The following HSD17B7 variants were observed in gnomAD, a reference collection of about 807,000 sequenced individuals.
HSD17B7 encodes the protein hydroxysteroid 17-beta dehydrogenase 7, also known as 3-keto-steroid reductase/17-beta-hydroxysteroid dehydrogenase 7.
A neutral mutation model predicts 34.1 loss-of-function variants in HSD17B7; 17 were observed. That is an observed-to-expected ratio of 0.50 (90% confidence interval 0.34 to 0.75). The LOEUF is 0.75. Among genes scored for constraint, HSD17B7 ranks in the 30% least tolerant of loss-of-function variants. The probability of loss-of-function intolerance (pLI) is 0.01; values close to 1 mark genes in which losing one functional copy is unlikely to be tolerated. For synonymous variants in HSD17B7, 122 were observed against 154.6 expected (o/e 0.79, Z 1.56); for missense variants, 296 against 406.6 (o/e 0.73, Z 2.34).
chr1:162,811,673 T>C (rs2102239032), intron 8 of HSD17B7, among the ~76,000 whole-genome samples: 1 of 152,376 alleles, frequency 6.6e-6, no homozygotes, highest in Non-Finnish European at 1.5e-5. Context: ...TGTCAGGTAC[T>C]CAAGTTCCTT....
At chr1:162,793,299 C>T (rs940974138) in intron 2 of HSD17B7, among the ~76,000 whole-genome samples, 2 of 152,226 alleles carry the variant, frequency 1.3e-5, no homozygotes, top group Admixed American at 6.5e-5. Context: ...TCCCAAAGTG[C>T]TGGGATTACA....
Position 162,790,800 on chromosome 1 carries a change from G to A in HSD17B7, c.-1G>A. 2 of 1,612,936 alleles carry A rather than the reference G, an allele frequency of 1.2e-6. No individual in the cohort carries two copies. The highest frequency in any genetic ancestry group is 1.7e-6 in the Non-Finnish European group (2 of 1,179,506). ...CTGCTTGGAAGTGTGAGTGCGCGAA[G>A]ATGCGAAAGGTGGTTTTGATCACCG... On this transcript the variant is annotated 5_prime_UTR_variant, in exon 1 of 9. Transcript: ENST00000254521.
chr1:162,793,241 G>T (rs1648480433), intron 2 of HSD17B7, among the ~76,000 whole-genome samples: 1 of 152,238 alleles, frequency 6.6e-6, no homozygotes, highest in Admixed American at 6.5e-5. Context: ...TACCATGTTG[G>T]TCAGGCTGGT....
chr1:162,811,546 A>G (rs192257722), intron 8 of HSD17B7, among the ~76,000 whole-genome samples: 173 of 152,348 alleles, frequency 1.1e-3, no homozygotes, highest in African/African-American at 4.1e-3. Context: ...GATTTTCTGC[A>G]TGAAACACAA....
At chr1:162,806,475 A>G (rs1490222380) in intron 8 of HSD17B7, among the ~76,000 whole-genome samples, 1 of 152,238 alleles carries the variant, frequency 6.6e-6, no homozygotes, top group Non-Finnish European at 1.5e-5. Flanking sequence ...CTAGCAAGTA[A>G]AATTGAACCA....
intron 8 of HSD17B7, among the ~76,000 whole-genome samples, chr1:162,806,867 T>C (rs1166743383): frequency 6.6e-6 from 1 of 152,224 alleles, no homozygotes; most frequent in Non-Finnish European, 1.5e-5. Context: ...AGCTTTCTCT[T>C]CTGTTAAAAG....
At chr1:162,812,269 A>G in intron 8 of HSD17B7, 29 bp from the exon 9 acceptor site, 1 of 1,607,664 alleles carries the variant, frequency 6.2e-7, no homozygotes, top group Non-Finnish European at 8.5e-7. Context: ...TTTCATTTCT[A>G]GACATCTCTA....
chr1:162,811,402 A>T (rs111875377), intron 8 of HSD17B7, among the ~76,000 whole-genome samples: 1 of 152,168 alleles, frequency 6.6e-6, no homozygotes, highest in South Asian at 2.1e-4. Flanking sequence ...CAAAATGTTC[A>T]AAAGTTTATT....
intron 8 of HSD17B7, among the ~76,000 whole-genome samples, chr1:162,810,158 C>G (rs1469407226): frequency 2.0e-5 from 3 of 152,136 alleles, no homozygotes; most frequent in African/African-American, 7.2e-5. Flanking sequence ...TGTCTTTGTT[C>G]TCATTGGTTT....
chr1:162,800,262 A>G (rs1328094557), intron 5 of HSD17B7: 4 of 490,660 alleles, frequency 8.2e-6, no homozygotes, highest in South Asian at 4.6e-5. Context: ...CATTACATGG[A>G]GGTGGGTCTA....
chr1:162,797,848 G>C lies in HSD17B7; in HGVS notation c.379G>C (p.Gly127Arg). The C allele has an allele frequency of 6.2e-7, 1 of 1,613,696 alleles. No individual in the cohort carries two copies. ...CACAGCTGAAGGCCTGCTGACCCAG[G>C]GTGATAAGATCACTGCTGATGGACT... The part of the protein sequence containing the change: ...FSTAEGLLTQ[G>R]DKITADGLQE... The change falls in exon 4 of 9, where the codon GGT (glycine) becomes CGT (arginine). Residue 127 changes from glycine (G) to arginine (R), a missense_variant. By Grantham distance (125) the Gly-to-Arg change is moderately radical (BLOSUM62 -2). Coordinates refer to ENST00000254521, the MANE Select transcript of HSD17B7 (RefSeq NM_016371.4).
chr1:162,799,726 T>G lies in HSD17B7; in HGVS notation c.448-17T>G. 1 of 1,607,496 alleles carries G rather than the reference T, an allele frequency of 6.2e-7. No individual in the cohort carries two copies. The highest frequency in any genetic ancestry group is 8.5e-7 in the Non-Finnish European group (1 of 1,176,216). ...CTGTCAGTATATTTTAATACTTTTT[T>G]TTTTTCTTTCACCCAGATTCGGGAA... On this transcript the variant is annotated splice_polypyrimidine_tract_variant and intron_variant, in intron 4 of 8. Coordinates refer to ENST00000254521, the MANE Select transcript of HSD17B7 (RefSeq NM_016371.4).
chr1:162,803,407 A>G (rs574604047), intron 5 of HSD17B7, 24 bp from the exon 6 acceptor site: 1 of 1,608,404 alleles, frequency 6.2e-7, no homozygotes, highest in Admixed American at 1.7e-5. Context: ...TTAAAGTCTC[A>G]TTGCTACACC....
chr1:162,809,706 T>C (rs913028533), intron 8 of HSD17B7, among the ~76,000 whole-genome samples: 33 of 152,248 alleles, frequency 2.2e-4, no homozygotes, highest in African/African-American at 7.0e-4. Context: ...AGGGTGTAAG[T>C]GTCCAGGAAT....
At chr1:162,810,718 T>C (rs1649145895) in intron 8 of HSD17B7, among the ~76,000 whole-genome samples, 1 of 152,172 alleles carries the variant, frequency 6.6e-6, no homozygotes, top group African/African-American at 2.4e-5. Flanking sequence ...CTTCTTTGTC[T>C]CTTTGATCTT....
At chr1:162,794,785 C>T (rs1570997475) in intron 2 of HSD17B7, among the ~76,000 whole-genome samples, 2 of 152,142 alleles carry the variant, frequency 1.3e-5, no homozygotes, top group African/African-American at 4.8e-5. Flanking sequence ...ATGCAGTTTA[C>T]TTTTGAGACC....
Position 162,792,736 on chromosome 1 carries a change from T to C in HSD17B7, c.113T>C (p.Met38Thr). The C allele has an allele frequency of 1.2e-6, 2 of 1,614,204 alleles. No homozygotes were observed. The highest frequency in any genetic ancestry group is 1.7e-6 in the Non-Finnish European group (2 of 1,180,034). Residue 38 changes from methionine to threonine, a missense_variant, in exon 2 of 9, where the codon ATG becomes ACG. Met to Thr is a moderately conservative substitution (Grantham distance 81, BLOSUM62 -1). Transcript: ENST00000254521. Reference protein sequence around the residue: ...ELHLCLACRNMSKAEAVCAAL... With the variant: ...ELHLCLACRNTSKAEAVCAAL... ...CATCTGTGTTTGGCGTGCAGGAACA[T>C]GAGCAAGGCAGAAGCTGTCTGTGCT...
chr1:162,807,899 A>G (rs1220500796), intron 8 of HSD17B7, among the ~76,000 whole-genome samples: 1 of 151,794 alleles, frequency 6.6e-6, no homozygotes, highest in African/African-American at 2.4e-5. Context: ...GATTGCAAAA[A>G]TTTTCTCCCA....
rs1210011657 is a variant in HSD17B7, at chr1:162,812,428, A to T, written c.*8A>T. 6.4e-7 allele frequency: 1 copy of T among 1,572,830 alleles called. No homozygotes were observed. Among genetic ancestry groups the T allele is most frequent in the Non-Finnish European group, 8.6e-7 (1 of 1,156,718 alleles). On this transcript the variant is annotated 3_prime_UTR_variant, in exon 9 of 9. Transcript: ENST00000254521. Reference sequence around the variant, plus strand: ...AGTGGCTCATGCCTATAATTCCAGCACTTTGGGAGGCCAAGGCAGAAGGAT... The same window carrying T: ...AGTGGCTCATGCCTATAATTCCAGCTCTTTGGGAGGCCAAGGCAGAAGGAT...
Sources: allele counts gnomAD v4.1 joint callset (sites outside exome capture counted in the v4.1 genomes callset), GRCh38; gene constraint gnomAD v4.1.1; transcripts MANE v1.5; gene names NCBI Gene and HGNC (gene_info 2026-07-23, HGNC 2026-07-21).